Variants in ASRGL1 observed in about 807,000 individuals in gnomAD.
ASRGL1 encodes isoaspartyl peptidase/L-asparaginase.
Under a neutral mutation model 22.4 loss-of-function variants are expected in ASRGL1, and 16 were observed. The observed-to-expected ratio is 0.71, with a 90% CI of 0.48 to 1.08. The LOEUF (loss-of-function observed/expected upper bound fraction) is 1.08. ASRGL1 is among the 50% of genes least tolerant of loss of function. The probability of loss-of-function intolerance (pLI) is 0.00; values close to 1 mark genes in which losing one functional copy is unlikely to be tolerated. For missense variants in ASRGL1, 412 were observed against 410.1 expected, an observed-to-expected ratio of 1.00 and a Z score of -0.04; for synonymous variants, 165 against 159.3, an observed-to-expected ratio of 1.04 and a Z score of -0.27.
intron 4 of ASRGL1, among the ~76,000 whole-genome samples, chr11:62,384,550 TAAAG>T (rs778558397): frequency 3.3e-5 from 5 of 151,964 alleles, no homozygotes; most frequent in African/African-American, 4.8e-5. Flanking sequence ...CACAAAAAAA[TAAAG>T]AAAGGTAATT....
chr11:62,384,922 A>G (rs1224001383), intron 4 of ASRGL1, among the ~76,000 whole-genome samples: 1 of 146,794 alleles, frequency 6.8e-6, no homozygotes, highest in African/African-American at 2.5e-5. Flanking sequence ...TCTCAAAAAA[A>G]AAAAAAAAGT....
intron 4 of ASRGL1, among the ~76,000 whole-genome samples, chr11:62,378,159 GT>G (rs1179860248): frequency 6.6e-6 from 1 of 152,032 alleles, no homozygotes; most frequent in African/African-American, 2.4e-5. Context: ...TTTTTAATGT[GT>G]CTTTTCTTAT....
At chr11:62,368,490 T>C (rs1211348566) in intron 4 of ASRGL1, among the ~76,000 whole-genome samples, 2 of 152,100 alleles carry the variant, frequency 1.3e-5, no homozygotes, top group Non-Finnish European at 2.9e-5. Flanking sequence ...TGTGAAATGA[T>C]TGAAGGGGTG....
At chr11:62,352,314 G>C (rs1345065352) in intron 2 of ASRGL1, among the ~76,000 whole-genome samples, 1 of 152,186 alleles carries the variant, frequency 6.6e-6, no homozygotes, top group East Asian at 1.9e-4. Flanking sequence ...GGCTGGGCAC[G>C]GTGGCTCACG....
At chr11:62,346,506 ACAT>A (rs1384920984) in intron 2 of ASRGL1, among the ~76,000 whole-genome samples, 1 of 152,198 alleles carries the variant, frequency 6.6e-6, no homozygotes, top group Admixed American at 6.5e-5. Context: ...CTTCATGCCA[ACAT>A]CATTTCATGA....
chr11:62,398,687 C>A, the ASRGL1 span, among the ~76,000 whole-genome samples: 2 of 152,230 alleles, frequency 1.3e-5, no homozygotes, highest in Non-Finnish European at 2.9e-5. Flanking sequence ...GCGGCGGCGG[C>A]TCATTGCAGG....
intron 2 of ASRGL1, 188 bp downstream of exon 2, chr11:62,338,355 T>C (rs1019915022): frequency 1.9e-5 from 13 of 676,522 alleles, no homozygotes; most frequent in Non-Finnish European, 3.0e-5. Context: ...TTTGTAGAGA[T>C]TTATACTGAG....
At chr11:62,386,446 A>G (rs1430587389) in intron 4 of ASRGL1, among the ~76,000 whole-genome samples, 1 of 151,896 alleles carries the variant, frequency 6.6e-6, no homozygotes, top group African/African-American at 2.4e-5. Flanking sequence ...ACTTTATCAT[A>G]GATATGTACA....
chr11:62,357,284 CTG>C, intron 4 of ASRGL1, 140 bp downstream of exon 4: 1 of 810,786 alleles, frequency 1.2e-6, no homozygotes, highest in Non-Finnish European at 1.8e-6. Flanking sequence ...GAGTCTCTCT[CTG>C]TTGCCCAGAC....
At chr11:62,381,103 G>A (rs1179342706) in intron 4 of ASRGL1, among the ~76,000 whole-genome samples, 2 of 152,098 alleles carry the variant, frequency 1.3e-5, no homozygotes, top group Non-Finnish European at 2.9e-5. Context: ...ATTTTCTACC[G>A]GCTGATATTG....
intron 2 of ASRGL1, among the ~76,000 whole-genome samples, chr11:62,341,585 G>A (rs1161188258): frequency 6.6e-6 from 1 of 152,136 alleles, no homozygotes; most frequent in Non-Finnish European, 1.5e-5. Context: ...TGGGGTCTAG[G>A]AATTGGTATT....
chr11:62,363,466 T>C (rs192446811), intron 4 of ASRGL1, among the ~76,000 whole-genome samples: 2 of 152,256 alleles, frequency 1.3e-5, no homozygotes, highest in Admixed American at 6.5e-5. Context: ...TTGAACAAAA[T>C]TGAATAACAT....
chr11:62,344,853 C>A (rs1026171976), intron 2 of ASRGL1, among the ~76,000 whole-genome samples: 1 of 152,172 alleles, frequency 6.6e-6, no homozygotes, highest in East Asian at 1.9e-4. Flanking sequence ...TTACTTATCC[C>A]CACTTCTGCC....
intron 2 of ASRGL1, among the ~76,000 whole-genome samples, chr11:62,347,304 G>A (rs1418550286): frequency 6.6e-6 from 1 of 152,036 alleles, no homozygotes; most frequent in African/African-American, 2.4e-5. Flanking sequence ...ACATTTCATG[G>A]CATAGGCACA....
chr11:62,339,962 A>G (rs1945824319), intron 2 of ASRGL1, among the ~76,000 whole-genome samples: 1 of 152,058 alleles, frequency 6.6e-6, no homozygotes, highest in Non-Finnish European at 1.5e-5. Context: ...CTTGTGAAAA[A>G]TTGTGTAATT....
At position 62,357,416 on chromosome 11, in the gene ASRGL1, A is replaced by ATT. The variant is rs1342638247; in HGVS notation, c.491+296_491+297dup. Reference sequence around the variant, plus strand: ...AGGCACACACCACTGCACCCGGCTCATTTTTTTTTTTTTTTTTTTTTTTTT... The same window carrying ATT: ...AGGCACACACCACTGCACCCGGCTCATTTTTTTTTTTTTTTTTTTTTTTTTTT... On this transcript the variant is annotated intron_variant, in intron 4 of 6. Transcript: ENST00000415229. Among the ~76,000 whole-genome samples, 99 of 100,380 alleles carry ATT rather than the reference A, an allele frequency of 9.9e-4. 1 individual carries two copies. The highest frequency in any genetic ancestry group is 2.8e-3 in the African/African-American group (72 of 25,744). 65.9% of individuals were successfully genotyped at this position (100,380 alleles called of 152,430 possible). A position where few individuals can be genotyped will look rare whatever the true frequency, so the allele number is the denominator to read the frequency against.
chr11:62,398,498 A>G, the ASRGL1 span, among the ~76,000 whole-genome samples: 1 of 152,232 alleles, frequency 6.6e-6, no homozygotes, highest in Non-Finnish European at 1.5e-5. Context: ...TACCTCGGGC[A>G]TAGAACCACA....
chr11:62,357,239 G>GTTTTGTT (rs1946324085), intron 4 of ASRGL1, 95 bp downstream of exon 4: 2 of 1,032,944 alleles, frequency 1.9e-6, no homozygotes, highest in African/African-American at 3.4e-5. Context: ...GTTTTGTTTT[G>GTTTTGTT]TTTTGTTTTG....
intron 3 of ASRGL1, 109 bp from the exon 4 acceptor site, chr11:62,356,878 T>C: frequency 3.8e-6 from 5 of 1,312,534 alleles, no homozygotes; most frequent in Non-Finnish European, 5.1e-6. Context: ...ATTTGTATTT[T>C]TGATCCTTTG....
Sources: gnomAD v4.1 joint callset for allele counts (sites outside exome capture counted in the v4.1 genomes callset) on GRCh38, gnomAD v4.1.1 for gene constraint, MANE v1.5 for transcripts, NCBI Gene and HGNC (gene_info 2026-07-23, HGNC 2026-07-21) for gene names.